TBL1X: variants seen among roughly 807,000 people sequenced by gnomAD.
The protein encoded by TBL1X is F-box-like/WD repeat-containing protein TBL1X.
In TBL1X, 10 loss-of-function variants were observed where a neutral mutation model predicts 50.7. That is an observed-to-expected ratio of 0.20 (90% CI 0.12 to 0.33). TBL1X has a LOEUF of 0.33. Among genes scored for constraint, TBL1X ranks in the 10% least tolerant of loss-of-function variants. The probability of loss-of-function intolerance (pLI) is 1.00; values close to 1 mark genes in which losing one functional copy is unlikely to be tolerated. For missense variants in TBL1X, 340 were observed against 504.4 expected (o/e 0.67, Z 3.12); for synonymous variants, 190 against 214.7 (o/e 0.88, Z 1.01).
In TBL1X at chrX:9,697,749, C is replaced by T. The variant is rs1416843535; in HGVS notation, c.1114+320C>T. 5.4e-5 allele frequency among the ~76,000 whole-genome samples: 6 copies of T among 111,454 alleles called. No homozygotes were observed. In the South Asian group the frequency reaches 1.1e-3, roughly 21 times the overall value. On this transcript the variant is annotated intron_variant, in intron 12 of 17. Transcript: ENST00000645353. Reference sequence around the variant, plus strand: ...TTGCGCTACTGCACTCCATCCTGGGCGACAGAGCCAGACCGTGTCTCAAAA... The same window carrying T: ...TTGCGCTACTGCACTCCATCCTGGGTGACAGAGCCAGACCGTGTCTCAAAA...
At chrX:9,519,124 C>T (rs1256444408) in intron 2 of TBL1X, among the ~76,000 whole-genome samples, 3 of 112,189 alleles carry the variant, frequency 2.7e-5, no homozygotes, top group African/African-American at 9.7e-5. Context: ...TGGTTTCTGT[C>T]TTGTCCATGG....
chrX:9,573,543 C>G (rs924828504), intron 2 of TBL1X, among the ~76,000 whole-genome samples: 1 of 112,804 alleles, frequency 8.9e-6, no homozygotes, highest in Non-Finnish European at 1.9e-5. Context: ...CTTGAAACCT[C>G]TGAACTCTGC....
At chrX:9,659,072 C>CG (rs776769201) in intron 5 of TBL1X, among the ~76,000 whole-genome samples, 1 of 111,474 alleles carries the variant, frequency 9.0e-6, no homozygotes, top group Non-Finnish European at 1.9e-5. Context: ...AGATCCTCCC[C>CG]CCCGGCCTCA....
chrX:9,686,678 A>G (rs974093488), intron 6 of TBL1X, among the ~76,000 whole-genome samples: 3 of 112,809 alleles, frequency 2.7e-5, no homozygotes, highest in Non-Finnish European at 3.7e-5. Context: ...AGCCTGGATG[A>G]CAGAGCGAGA....
intron 1 of TBL1X, among the ~76,000 whole-genome samples, chrX:9,485,925 G>A (rs2146936613): frequency 9.0e-6 from 1 of 111,055 alleles, no homozygotes; most frequent in Non-Finnish European, 1.9e-5. Flanking sequence ...ATTTTTTTAA[G>A]TTTGGGGAAA....
chrX:9,605,014 G>T (rs2082576075), intron 2 of TBL1X, among the ~76,000 whole-genome samples: 1 of 110,861 alleles, frequency 9.0e-6, no homozygotes, highest in Non-Finnish European at 1.9e-5. Flanking sequence ...CATCCACTCA[G>T]AAATGTTCTG....
intron 2 of TBL1X, among the ~76,000 whole-genome samples, chrX:9,548,564 G>T (rs893453247): frequency 5.4e-5 from 6 of 111,998 alleles, no homozygotes; most frequent in African/African-American, 2.0e-4. Flanking sequence ...TTTCATCATG[G>T]TGGTTAGACA....
intron 2 of TBL1X, chrX:9,637,614 C>T (rs1043159333): frequency 9.0e-6 from 1 of 111,681 alleles, no homozygotes; most frequent in Non-Finnish European, 1.9e-5. Context: ...AAGGAAACAC[C>T]GGATACCATG....
chrX:9,625,381 G>T (rs1261993553), intron 2 of TBL1X, among the ~76,000 whole-genome samples: 1 of 111,991 alleles, frequency 8.9e-6, no homozygotes, highest in African/African-American at 3.2e-5. Flanking sequence ...TAACTATAAA[G>T]CATTGTGCTC....
intron 2 of TBL1X, among the ~76,000 whole-genome samples, chrX:9,607,650 T>A (rs2082590390): frequency 8.9e-6 from 1 of 112,875 alleles, no homozygotes; most frequent in South Asian, 3.6e-4. Context: ...CTTTAATTCT[T>A]CCCTGGAGAG....
At chrX:9,513,369 G>A (rs1183583411) in intron 2 of TBL1X, among the ~76,000 whole-genome samples, 2 of 110,609 alleles carry the variant, frequency 1.8e-5, no homozygotes, top group African/African-American at 3.3e-5. Context: ...GTGGGGGGGT[G>A]CAGAAGATTT....
At chrX:9,712,168 A>G (rs1181912104) in intron 16 of TBL1X, among the ~76,000 whole-genome samples, 2 of 112,410 alleles carry the variant, frequency 1.8e-5, no homozygotes, top group African/African-American at 6.5e-5. Context: ...TGCTCTCTAG[A>G]TACTGAGGTT....
At chrX:9,487,434 A>C (rs1346738039) in intron 1 of TBL1X, among the ~76,000 whole-genome samples, 2 of 111,236 alleles carry the variant, frequency 1.8e-5, no homozygotes, top group Non-Finnish European at 3.8e-5. Flanking sequence ...TTCTTACTTC[A>C]TATTTCTGAG....
At chrX:9,687,936 TCTC>T (rs1277758580) in intron 6 of TBL1X, 78 bp from the exon 7 acceptor site, 1 of 1,135,014 alleles carries the variant, frequency 8.8e-7, no homozygotes, top group African/African-American at 1.9e-5. Context: ...TCCCTGCGCT[TCTC>T]CTGCCCAGAG....
chrX:9,557,793 C>T (rs1407240533), intron 2 of TBL1X, among the ~76,000 whole-genome samples: 1 of 111,626 alleles, frequency 9.0e-6, no homozygotes, highest in African/African-American at 3.3e-5. Flanking sequence ...AAGAGAGGTA[C>T]AAGGGCAGAA....
intron 1 of TBL1X, among the ~76,000 whole-genome samples, chrX:9,483,312 C>G (rs2081892982): frequency 8.9e-6 from 1 of 112,287 alleles, no homozygotes; most frequent in African/African-American, 3.2e-5. Context: ...TTCATACATT[C>G]CATGGAAGTA....
intron 2 of TBL1X, among the ~76,000 whole-genome samples, chrX:9,558,212 T>C (rs999160947): frequency 3.5e-5 from 4 of 112,711 alleles, no homozygotes; most frequent in African/African-American, 1.3e-4. Context: ...TGTGAAACTT[T>C]TTGACAATTA....
intron 2 of TBL1X, among the ~76,000 whole-genome samples, chrX:9,551,773 T>C (rs764058791): frequency 3.6e-5 from 4 of 111,910 alleles, no homozygotes; most frequent in Non-Finnish European, 5.6e-5. Flanking sequence ...AATGGAGTCC[T>C]GGTGCACACC....
chrX:9,656,543 G>A (rs1321208522), intron 5 of TBL1X, among the ~76,000 whole-genome samples: 1 of 112,933 alleles, frequency 8.9e-6, no homozygotes, highest in Non-Finnish European at 1.9e-5. Context: ...TGAAGCTTCT[G>A]TAACCAGGCA....
Sources: allele counts gnomAD v4.1 joint callset (sites outside exome capture counted in the v4.1 genomes callset), GRCh38; gene constraint gnomAD v4.1.1; transcripts MANE v1.5; gene names NCBI Gene and HGNC (gene_info 2026-07-23, HGNC 2026-07-21).